Variants in EPN1 observed in about 807,000 individuals in gnomAD.
EPN1 encodes epsin-1.
In EPN1, 25 loss-of-function variants were observed where a neutral mutation model predicts 56.9. The observed-to-expected ratio is 0.44, with a 90% CI of 0.32 to 0.61. EPN1 has a LOEUF of 0.61. Among genes scored for constraint, EPN1 ranks in the 20% least tolerant of loss-of-function variants. The pLI is 0.05. For missense variants in EPN1, 785 were observed against 823.7 expected (o/e 0.95, Z 0.58); for synonymous variants, 411 against 361.8 (o/e 1.14, Z -1.54).
At position 55,689,458 on chromosome 19, in the gene EPN1, C is replaced by G; in HGVS notation, c.678+87C>G. 1.0e-6 allele frequency: 1 copy of G among 1,002,402 alleles called. No individual in the cohort carries two copies. Among genetic ancestry groups the G allele is most frequent in the Non-Finnish European group, 1.5e-6 (1 of 655,202 alleles). 62.1% of individuals were successfully genotyped at this position (1,002,402 alleles called of 1,614,324 possible). On this transcript the variant is annotated intron_variant, in intron 5 of 10. Transcript: ENST00000270460. This position sits in a 1 kb window ranked among gnomAD's most constrained non-coding sequence, Gnocchi z 5.7. Reference sequence around the variant, plus strand: ...CCCTTCCTAAGTCACCCCCCACCATCCTGCTGGGCCCGAAGCCCACAGGCT... The same window carrying G: ...CCCTTCCTAAGTCACCCCCCACCATGCTGCTGGGCCCGAAGCCCACAGGCT...
intron 1 of EPN1, among the ~76,000 whole-genome samples, chr19:55,676,375 G>C (rs1985425938): frequency 6.6e-6 from 1 of 152,200 alleles, no homozygotes; most frequent in African/African-American, 2.4e-5. Flanking sequence ...TTGAAATACA[G>C]TCTCATTCTA....
rs779878282 is a variant in EPN1 at position 55,709,012 on chromosome 19, T to C, written c.*13656T>C. 4 of 1,583,568 alleles carry C rather than the reference T, an allele frequency of 2.5e-6. 1 individual carries two copies. The South Asian group carries it at 4.8e-5, about 19-fold the overall frequency. On this transcript the variant is annotated 3_prime_UTR_variant, in exon 11 of 11. Transcript: ENST00000270460. ...TTCTTCCACAGACATCAGGATCTTC[T>C]GAGTTTCTTCATCAAAGCCAGATTT...
rs1005691077 is a variant in EPN1, at chr19:55,698,404, A to G, written c.*3048A>G. 6.6e-6 allele frequency: 1 copy of G among 152,024 alleles called. No homozygotes were observed. The allele number at this position is 152,024 out of a possible 1,614,324, so 9.4% of individuals were successfully genotyped here. A position where few individuals can be genotyped will look rare whatever the true frequency, so the allele number is the denominator to read the frequency against. On this transcript the variant is annotated 3_prime_UTR_variant, in exon 11 of 11. Transcript: ENST00000270460. Reference sequence around the variant, plus strand: ...TGGGTCTCGACTCTGTTCAGGGCCTAGGGGTTGGGTGGGGAAGGCACTTGA... The same window carrying G: ...TGGGTCTCGACTCTGTTCAGGGCCTGGGGGTTGGGTGGGGAAGGCACTTGA...
In EPN1 at chr19:55,687,004, C is replaced by T. The variant is rs550485294; in HGVS notation, c.478+1359C>T. ...CCTTCCCATCCTAGCTGCCTGGCCC[C>T]GTCCGCTGGCGGTTGCTGGGAAGCA... On this transcript the variant is annotated intron_variant, in intron 3 of 10. Transcript: ENST00000270460. Among the ~76,000 whole-genome samples the T allele has an allele frequency of 4.6e-5, 7 of 152,150 alleles. No homozygotes were observed. The South Asian group carries it at 8.3e-4, about 18-fold the overall frequency.
In EPN1 at chr19:55,708,871, A is replaced by C. The variant is rs1446011906; in HGVS notation, c.*13515A>C. 6.8e-7 allele frequency: 1 copy of C among 1,469,784 alleles called. No homozygotes were observed. Among genetic ancestry groups the C allele is most frequent in the East Asian group, 2.6e-5 (1 of 38,812 alleles). 91.0% of individuals were successfully genotyped at this position (1,469,784 alleles called of 1,614,324 possible). On this transcript the variant is annotated 3_prime_UTR_variant, in exon 11 of 11. Transcript: ENST00000270460. ...CCAGGTGAAGGTCCCACTGTGGCCA[A>C]GGAAAGCCTTTGTGAGACGACTACT...
At position 55,700,537 on chromosome 19, in the gene EPN1, G is replaced by GAT. The variant is rs1987092471; in HGVS notation, c.*5181_*5182insAT. On this transcript the variant is annotated 3_prime_UTR_variant, in exon 11 of 11. Coordinates refer to ENST00000270460, the MANE Select transcript of EPN1 (RefSeq NM_001130072.2). ...GGCCTCCCAAAGTGCTGGGATTACA[G>GAT]GCGTGAGCCACGGCACCCGGCCCAT... The GAT allele has an allele frequency of 8.4e-5, 12 of 143,304 alleles. No individual in the cohort carries two copies. The highest frequency in any genetic ancestry group is 3.0e-4 in the African/African-American group (10 of 32,974). 8.9% of individuals were successfully genotyped at this position (143,304 alleles called of 1,614,324 possible). A position where few individuals can be genotyped will look rare whatever the true frequency, so the allele number is the denominator to read the frequency against.
rs1568582427 is a variant in EPN1, at chr19:55,695,299, G to C, written c.1674G>C (p.Leu558=). 6.4e-7 allele frequency: 1 copy of C among 1,573,442 alleles called. No individual in the cohort carries two copies. The highest frequency in any genetic ancestry group is 8.6e-7 in the Non-Finnish European group (1 of 1,162,732). The part of the protein sequence containing the change: ...YISPLGGGPG[L]PPMMPPGPPA... ...CTCCCCTTGGCGGGGGCCCTGGCCT[G>C]CCCCCCATGATGCCCCCGGGCCCCC... The change falls in exon 11 of 11, where the codon CTG becomes CTC. Residue 558 remains leucine (L), a synonymous_variant. Coordinates refer to ENST00000270460, the MANE Select transcript of EPN1 (RefSeq NM_001130072.2). This position sits in a 1 kb window ranked among gnomAD's most constrained non-coding sequence, Gnocchi z 4.4.
rs569508712 is a variant in EPN1 at position 55,705,617 on chromosome 19, C to T, written c.*10261C>T. The T allele has an allele frequency of 3.0e-4, 45 of 152,110 alleles. No individual in the cohort carries two copies. Among genetic ancestry groups the T allele is most frequent in the Admixed American group, 1.4e-3 (22 of 15,260 alleles). The allele number at this position is 152,110 out of a possible 1,614,324, so 9.4% of individuals were successfully genotyped here. ...TGAGCCGAGATCGCACCATTGCACT[C>T]CAGCATGGACAACAGAGCAAGACCC... On this transcript the variant is annotated 3_prime_UTR_variant, in exon 11 of 11. Coordinates refer to ENST00000270460, the MANE Select transcript of EPN1 (RefSeq NM_001130072.2).
intron 3 of EPN1, among the ~76,000 whole-genome samples, chr19:55,687,699 G>A (rs1568572113): frequency 2.6e-5 from 4 of 152,128 alleles, no homozygotes; most frequent in East Asian, 3.9e-4. Context: ...TCAGAAGGCC[G>A]CTTACCCACC....
intron 2 of EPN1, among the ~76,000 whole-genome samples, chr19:55,680,439 T>G (rs1164638830): frequency 6.6e-6 from 1 of 152,074 alleles, no homozygotes; most frequent in African/African-American, 2.4e-5. Context: ...GCCTGTAGGA[T>G]CCCCAGCCCA....
rs377378244 is a variant in EPN1 at position 55,678,879 on chromosome 19, G to A, written c.228+24G>A. 13 of 1,554,100 alleles carry A rather than the reference G, an allele frequency of 8.4e-6. No individual in the cohort carries two copies. In the South Asian group the frequency reaches 1.2e-4, roughly 14 times the overall value. ...AGGTCAGCATCCTGCTCTCCTCCCC[G>A]GGCAGGTGCAGGGGCTCAGGTGGGA... On this transcript the variant is annotated intron_variant, in intron 2 of 10. Transcript: ENST00000270460.
At position 55,685,374 on chromosome 19, in the gene EPN1, G is replaced by A. The variant is rs371197616; in HGVS notation, c.229-22G>A. The A allele has an allele frequency of 8.5e-5, 137 of 1,603,480 alleles. No individual in the cohort carries two copies. In the African/African-American group the frequency reaches 1.7e-3, roughly 19 times the overall value. Reference sequence around the variant, plus strand: ...GCCTTGTGCCCGGCGTGCTGACCGGGCATCCCCGTGCCCGCTCGCAGGCCA... The same window carrying A: ...GCCTTGTGCCCGGCGTGCTGACCGGACATCCCCGTGCCCGCTCGCAGGCCA... On this transcript the variant is annotated intron_variant, in intron 2 of 10. Coordinates refer to ENST00000270460, the MANE Select transcript of EPN1 (RefSeq NM_001130072.2).
chr19:55,692,496 C>A (rs1381965486), intron 7 of EPN1, among the ~76,000 whole-genome samples, 190 bp from the exon 8 acceptor site: 2 of 151,674 alleles, frequency 1.3e-5, no homozygotes, highest in Non-Finnish European at 2.9e-5. Context: ...CAGCTGGGGT[C>A]CCAGGGGCAG....
At chr19:55,688,578 C>T (rs1315530674) in intron 3 of EPN1, among the ~76,000 whole-genome samples, 1 of 152,146 alleles carries the variant, frequency 6.6e-6, no homozygotes, top group Non-Finnish European at 1.5e-5. Flanking sequence ...GGTGGCAGGG[C>T]TCAGAGGTTG....
In EPN1 at chr19:55,689,209, C is replaced by G. The variant is rs1195129514; in HGVS notation, c.604-88C>G. 2.5e-6 allele frequency: 3 copies of G among 1,194,686 alleles called. No individual in the cohort carries two copies. The highest frequency in any genetic ancestry group is 1.5e-5 in the African/African-American group (1 of 66,134). 74.0% of individuals were successfully genotyped at this position (1,194,686 alleles called of 1,614,324 possible). On this transcript the variant is annotated intron_variant, in intron 4 of 10. Transcript: ENST00000270460. This position sits in a 1 kb window ranked among gnomAD's most constrained non-coding sequence, Gnocchi z 5.7. The stretch of plus-strand genomic sequence containing the variant: ...CTGGTTCAGGGACCCCCAGCCCTCT[C>G]TTTCTTCGGCTCTATCTGACCCTGG...
At chr19:55,676,358 A>T (rs544845949) in intron 1 of EPN1, among the ~76,000 whole-genome samples, 1 of 152,326 alleles carries the variant, frequency 6.6e-6, no homozygotes, top group South Asian at 2.1e-4. Flanking sequence ...CTTTGAATCA[A>T]TTTAATTTGA....
Position 55,694,615 on chromosome 19 carries a change from C to T in EPN1, c.1265-111C>T. On this transcript the variant is annotated intron_variant, in intron 9 of 10. Transcript: ENST00000270460. This position sits in a 1 kb window ranked among gnomAD's most constrained non-coding sequence, Gnocchi z 4.2. Reference sequence around the variant, plus strand: ...GCACCTCAGTTCCTCCTTCCCGAGGCCTCTGGGCACCGGGCTCTTTGAAGC... The same window carrying T: ...GCACCTCAGTTCCTCCTTCCCGAGGTCTCTGGGCACCGGGCTCTTTGAAGC... The T allele has an allele frequency of 7.5e-7, 1 of 1,330,598 alleles. No homozygotes were observed. The highest frequency in any genetic ancestry group is 9.9e-7 in the Non-Finnish European group (1 of 1,008,314). The allele number at this position is 1,330,598 out of a possible 1,614,324, so 82.4% of individuals were successfully genotyped here.
chr19:55,706,280 C>CTTTTTTTTTTTTTTTTTTTT lies in EPN1; in HGVS notation c.*10926_*10927insTTTTTTTTTTTTTTTTTTTT, dbSNP rs1323034565. The CTTTTTTTTTTTTTTTTTTTT allele has an allele frequency of 1.5e-5, 2 of 129,302 alleles. No homozygotes were observed. Among genetic ancestry groups the CTTTTTTTTTTTTTTTTTTTT allele is most frequent in the African/African-American group, 6.3e-5 (2 of 31,642 alleles). 8.0% of individuals were successfully genotyped at this position (129,302 alleles called of 1,614,324 possible). On this transcript the variant is annotated 3_prime_UTR_variant, in exon 11 of 11. Transcript: ENST00000270460. ...TTTCTTCCTTTCTTCTCTTTTTCTT[C>CTTTTTTTTTTTTTTTTTTTT]TTCTTTTTTTTTTTTTTTTAAAAGA...
At position 55,689,315 on chromosome 19, in the gene EPN1, G is replaced by T. The variant is rs1338674259; in HGVS notation, c.622G>T (p.Glu208Ter). The T allele has an allele frequency of 6.4e-7, 1 of 1,550,960 alleles. No homozygotes were observed. The highest frequency in any genetic ancestry group is 1.2e-5 in the South Asian group (1 of 84,020). ...EADQPPSCGP[E>*]DDAQLQLALS... ...CCCCCAGCCCCCGTCCTGCGGCCCC[G>T]AGGACGACGCCCAGCTCCAGCTGGC... The change falls in exon 5 of 11, where the codon GAG becomes TAG. Residue 208 changes from glutamate to a stop codon, truncating the protein, a stop_gained. Transcript: ENST00000270460. LOFTEE classifies it high-confidence loss of function. The surrounding 1 kb of genome is among the most constrained non-coding windows in gnomAD (Gnocchi z 5.7).
Sources: gnomAD v4.1 joint callset for allele counts (sites outside exome capture counted in the v4.1 genomes callset) on GRCh38, gnomAD v4.1.1 for gene constraint, Gnocchi (gnomAD v3.1) non-coding constraint, MANE v1.5 for transcripts, NCBI Gene and HGNC (gene_info 2026-07-23, HGNC 2026-07-21) for gene names.